Variants in PRKD3 observed in about 807,000 individuals in gnomAD.
PRKD3 encodes serine/threonine-protein kinase D3.
A neutral mutation model predicts 99.2 loss-of-function variants in PRKD3; 47 were observed. The observed-to-expected ratio is 0.47, with a 90% CI of 0.38 to 0.60. PRKD3 has a LOEUF of 0.60. Among genes scored for constraint, PRKD3 ranks in the 20% least tolerant of loss-of-function variants. PRKD3 has a pLI of 0.00. For missense variants in PRKD3, 1,019 were observed against 1,088.4 expected (o/e 0.94, Z 0.90); for synonymous variants, 392 against 355.4 (o/e 1.10, Z -1.16).
At chr2:37,274,769 C>G in intron 10 of PRKD3, 72 bp from the exon 11 acceptor site, 1 of 1,375,744 alleles carries the variant, frequency 7.3e-7, no homozygotes, top group Non-Finnish European at 9.9e-7. Context: ...ACTAAAGAAC[C>G]AGAGATATGC....
chr2:37,296,899 CAAAAAAAA>C (rs748730644), intron 2 of PRKD3, among the ~76,000 whole-genome samples: 79 of 48,104 alleles, frequency 1.6e-3, no homozygotes, highest in Admixed American at 3.8e-3. Flanking sequence ...GACTCTGTCT[CAAAAAAAA>C]AAAAAAAAAA....
At chr2:37,307,747 A>T (rs2124884036) in intron 2 of PRKD3, among the ~76,000 whole-genome samples, 1 of 152,174 alleles carries the variant, frequency 6.6e-6, no homozygotes, top group East Asian at 1.9e-4. Flanking sequence ...AGTAAAAGAA[A>T]CTCCACCCTA....
Position 37,256,842 on chromosome 2 carries a change from G to A in PRKD3, c.2233C>T (p.Pro745Ser), listed in dbSNP as rs771429519. The A allele has an allele frequency of 6.2e-7, 1 of 1,613,708 alleles. No individual in the cohort carries two copies. The highest frequency in any genetic ancestry group is 2.2e-5 in the East Asian group (1 of 44,864). ...SVVGTPAYLA[P>S]EVLRSKGYNR... is the part of the protein sequence containing the mutation. ...TAACCTTTGCTCCGGAGAACTTCAG[G>A]GGCTAAGTATGCTGGAGTTCCTACC... Residue 745 changes from proline (P) to serine (S), a missense_variant, in exon 17 of 19, where the codon CCT becomes TCT. Transcript: ENST00000234179.
At position 37,277,983 on chromosome 2, in the gene PRKD3, T is replaced by G; in HGVS notation, c.1179A>C (p.Ser393=). 6.3e-7 allele frequency: 1 copy of G among 1,598,404 alleles called. No individual in the cohort carries two copies. The highest frequency in any genetic ancestry group is 1.1e-5 in the South Asian group (1 of 88,392). Residue 393 remains serine (S), a synonymous_variant, in exon 9 of 19, where the codon TCA becomes TCC. Transcript: ENST00000234179. ...DEEAVKTISP[S]TSNNIPLMRV... ...TCATTAGCGGAATATTATTGCTTGTTGATGGACTAAAAAATATTTAAAATT... is the reference window on the plus strand; with the variant it reads ...TCATTAGCGGAATATTATTGCTTGTGGATGGACTAAAAAATATTTAAAATT...
At chr2:37,289,630 C>G in intron 4 of PRKD3, 117 bp from the exon 5 acceptor site, 1 of 834,288 alleles carries the variant, frequency 1.2e-6, no homozygotes. Context: ...CCATACCTAT[C>G]CTAATTAAGA....
At chr2:37,319,290 G>C (rs1477980216) in intron 1 of PRKD3, among the ~76,000 whole-genome samples, 1 of 152,182 alleles carries the variant, frequency 6.6e-6, no homozygotes, top group African/African-American at 2.4e-5. Flanking sequence ...TTGGATGTTA[G>C]TGTAGTTAAG....
chr2:37,287,597 A>AG (rs145759857), intron 5 of PRKD3, among the ~76,000 whole-genome samples: 3,462 of 152,252 alleles, frequency 0.023, 58 homozygotes, highest in Middle Eastern at 0.054. Flanking sequence ...CTGTTCATAT[A>AG]GCTAGATGGT....
intron 14 of PRKD3, among the ~76,000 whole-genome samples, chr2:37,265,767 A>G (rs1381326680): frequency 1.3e-5 from 2 of 152,202 alleles, no homozygotes; most frequent in African/African-American, 2.4e-5. Context: ...ACATCCTACA[A>G]TCTATTCCCA....
intron 2 of PRKD3, among the ~76,000 whole-genome samples, chr2:37,293,796 G>A (rs1250828279): frequency 6.6e-6 from 1 of 152,236 alleles, no homozygotes; most frequent in African/African-American, 2.4e-5. Flanking sequence ...ATTTGTCACA[G>A]AGACGCTGCT....
chr2:37,275,806 T>C lies in PRKD3; in HGVS notation c.1335A>G (p.Leu445=). Residue 445 remains leucine, a synonymous_variant, in exon 10 of 19, where the codon CTA becomes CTG. Transcript: ENST00000234179. ...ATCCAGATTCATTCTGAAATAATGT[T>C]AGACATTTGCTGTCAAGTCTCCAAT... The part of the protein sequence containing the change: ...RHYWRLDSKC[L]TLFQNESGSK... 2 of 1,609,920 alleles carry C rather than the reference T, an allele frequency of 1.2e-6. No individual in the cohort carries two copies. Among genetic ancestry groups the C allele is most frequent in the South Asian group, 2.2e-5 (2 of 89,766 alleles).
At chr2:37,284,942 C>G (rs1415421094) in intron 6 of PRKD3, among the ~76,000 whole-genome samples, 1 of 152,160 alleles carries the variant, frequency 6.6e-6, no homozygotes, top group East Asian at 1.9e-4. Flanking sequence ...TCCCTCCCCC[C>G]TCAGAAAAGC....
At chr2:37,269,954 G>A (rs537340062) in intron 12 of PRKD3, among the ~76,000 whole-genome samples, 73 of 152,292 alleles carry the variant, frequency 4.8e-4, no homozygotes, top group African/African-American at 1.5e-3. Context: ...TAGGCCTGGC[G>A]TGGTGGCTCA....
intron 17 of PRKD3, 25 bp downstream of exon 17, chr2:37,256,637 T>A (rs766751317): frequency 0.018 from 18,687 of 1,033,214 alleles, 95 homozygotes; most frequent in South Asian, 0.054. Context: ...AATTTTTTTT[T>A]TTTTTTTTTT....
chr2:37,251,090 T>G lies in PRKD3; in HGVS notation c.*2087A>C, dbSNP rs1220028567. ...CCTTACATAGTAAAACCACAGTAGA[T>G]TGATTGCCTAGTGACTCAGAATTAT... is the stretch of plus-strand genomic sequence containing the variant. On this transcript the variant is annotated 3_prime_UTR_variant, in exon 19 of 19. Transcript: ENST00000234179. The G allele has an allele frequency of 6.6e-6, 1 of 152,636 alleles. No individual in the cohort carries two copies. Among genetic ancestry groups the G allele is most frequent in the African/African-American group, 2.4e-5 (1 of 41,446 alleles). The allele number at this position is 152,636 out of a possible 1,614,324, so 9.5% of individuals were successfully genotyped here.
intron 2 of PRKD3, among the ~76,000 whole-genome samples, chr2:37,310,904 T>G (rs1336761083): frequency 1.3e-5 from 2 of 152,204 alleles, no homozygotes; most frequent in Non-Finnish European, 2.9e-5. Context: ...ACCTGCTCAT[T>G]GCTGGCAACT....
intron 6 of PRKD3, 73 bp downstream of exon 6, chr2:37,286,104 A>G: frequency 8.2e-7 from 1 of 1,225,626 alleles, no homozygotes; most frequent in South Asian, 1.7e-5. Flanking sequence ...CTTCTGAAAT[A>G]TAAATATTTT....
In PRKD3 at chr2:37,316,674, T is replaced by C. The variant is rs1348591596; in HGVS notation, c.-150A>G. ...TCCTCTGTTAAGCCACTCATGCCGATACTTTTAAGTTTTATCAAGGAGTTG... is the reference window on the plus strand; with the variant it reads ...TCCTCTGTTAAGCCACTCATGCCGACACTTTTAAGTTTTATCAAGGAGTTG... On this transcript the variant is annotated 5_prime_UTR_variant, in exon 2 of 19. Coordinates refer to ENST00000234179, the MANE Select transcript of PRKD3 (RefSeq NM_005813.6). 4.9e-6 allele frequency: 7 copies of C among 1,438,124 alleles called. No individual in the cohort carries two copies. The highest frequency in any genetic ancestry group is 1.5e-5 in the South Asian group (1 of 65,594). 89.1% of individuals were successfully genotyped at this position (1,438,124 alleles called of 1,614,324 possible).
At chr2:37,262,420 G>T (rs1244437595) in intron 14 of PRKD3, among the ~76,000 whole-genome samples, 2 of 152,120 alleles carry the variant, frequency 1.3e-5, no homozygotes, top group Non-Finnish European at 2.9e-5. Context: ...TTTCAAAAAT[G>T]TTTAGAAAGT....
At position 37,293,290 on chromosome 2, in the gene PRKD3, A is replaced by G. The variant is rs750650965; in HGVS notation, c.289-19T>C. ...CTGGAAACTGAGGGATAATAGTCCT[A>G]TATCAGTATGACCACAGTTTTCTAT... On this transcript the variant is annotated intron_variant, in intron 2 of 18. Coordinates refer to ENST00000234179, the MANE Select transcript of PRKD3 (RefSeq NM_005813.6). The G allele has an allele frequency of 1.2e-5, 18 of 1,552,274 alleles. No individual in the cohort carries two copies. Among genetic ancestry groups the G allele is most frequent in the Non-Finnish European group, 1.6e-5 (18 of 1,136,328 alleles).
Sources: gnomAD v4.1 joint callset for allele counts (sites outside exome capture counted in the v4.1 genomes callset) on GRCh38, gnomAD v4.1.1 for gene constraint, MANE v1.5 for transcripts, NCBI Gene and HGNC (gene_info 2026-07-23, HGNC 2026-07-21) for gene names.